The following USP38 variants were observed in gnomAD, a reference collection of about 807,000 sequenced individuals.
USP38 encodes ubiquitin carboxyl-terminal hydrolase 38.
Under a neutral mutation model 94.3 loss-of-function variants are expected in USP38, and 49 were observed. That is an observed-to-expected ratio of 0.52 (90% CI 0.41 to 0.66). The LOEUF (loss-of-function observed/expected upper bound fraction) is 0.66, where lower values mean the gene tolerates loss of function less well. USP38 is among the 30% of genes least tolerant of loss of function. The pLI is 0.00. For missense variants in USP38, 1,128 were observed against 1,229.4 expected, an observed-to-expected ratio of 0.92 and a Z score of 1.23; for synonymous variants, 468 against 463.6, an observed-to-expected ratio of 1.01 and a Z score of -0.12.
At chr4:143,208,508 CT>C (rs1272603633) in intron 6 of USP38, among the ~76,000 whole-genome samples, 1 of 152,018 alleles carries the variant, frequency 6.6e-6, no homozygotes, top group Non-Finnish European at 1.5e-5. Context: ...ACAAATCAGC[CT>C]TTTTAATTTT....
chr4:143,192,472 C>T lies in USP38; in HGVS notation c.819-3244C>T, dbSNP rs946549605. Among the ~76,000 whole-genome samples the T allele has an allele frequency of 4.7e-5, 7 of 150,310 alleles. No homozygotes were observed. The South Asian group carries it at 1.3e-3, about 27-fold the overall frequency. ...AGCCACTGTGCCCGGCCTTCAGTTGCTTTCTGAAAGAGTTGTACCAATCTT... is the reference window on the plus strand; with the variant it reads ...AGCCACTGTGCCCGGCCTTCAGTTGTTTTCTGAAAGAGTTGTACCAATCTT... On this transcript the variant is annotated intron_variant, in intron 2 of 9. Coordinates refer to ENST00000307017, the MANE Select transcript of USP38 (RefSeq NM_032557.6).
At chr4:143,197,740 A>G (rs1284936615) in intron 3 of USP38, 83 bp from the exon 4 acceptor site, 6 of 924,444 alleles carry the variant, frequency 6.5e-6, no homozygotes, top group African/African-American at 1.7e-5. Flanking sequence ...ATATAAATAA[A>G]TTCTAGCTCT....
chr4:143,189,953 T>C (rs941194572), intron 2 of USP38, among the ~76,000 whole-genome samples: 1 of 152,088 alleles, frequency 6.6e-6, no homozygotes, highest in Non-Finnish European at 1.5e-5. Flanking sequence ...ATTATTATCA[T>C]CACTTTATCA....
At chr4:143,190,585 C>G (rs1257898770) in intron 2 of USP38, among the ~76,000 whole-genome samples, 1 of 152,030 alleles carries the variant, frequency 6.6e-6, no homozygotes, top group Non-Finnish European at 1.5e-5. Flanking sequence ...GACAATAATT[C>G]TAGATATCTG....
intron 9 of USP38, among the ~76,000 whole-genome samples, chr4:143,218,021 G>A (rs1275248617): frequency 3.3e-5 from 5 of 152,114 alleles, no homozygotes; most frequent in Non-Finnish European, 5.9e-5. Context: ...GTGAGAGATT[G>A]TGTAATGCAT....
intron 8 of USP38, among the ~76,000 whole-genome samples, 179 bp from the exon 9 acceptor site, chr4:143,213,402 C>T (rs1184831584): frequency 6.6e-6 from 1 of 152,022 alleles, no homozygotes; most frequent in Non-Finnish European, 1.5e-5. Flanking sequence ...GTAATAGCCA[C>T]CCAGCTTTTT....
rs1264006995 is a variant in USP38, at chr4:143,186,097, C to T, written c.647C>T (p.Ser216Phe). The T allele has an allele frequency of 6.2e-7, 1 of 1,614,012 alleles. No individual in the cohort carries two copies. The highest frequency in any genetic ancestry group is 2.2e-5 in the East Asian group (1 of 44,880). Reference sequence around the variant, plus strand: ...GCCGAGCCTGCCACACTACTGCCTTCCCTGCAAGAAGTTTTTGCAAGCATC... The same window carrying T: ...GCCGAGCCTGCCACACTACTGCCTTTCCTGCAAGAAGTTTTTGCAAGCATC... Reference protein sequence around the residue: ...WKAEPATLLPSLQEVFASISS... With the variant: ...WKAEPATLLPFLQEVFASISS... Residue 216 changes from serine (S) to phenylalanine (F), a missense_variant, in exon 1 of 10, where the codon TCC becomes TTC. By Grantham distance (155) the Ser-to-Phe change is radical (BLOSUM62 -2). Transcript: ENST00000307017.
In USP38 at chr4:143,214,576, G is replaced by C. The variant is rs780331912; in HGVS notation, c.2600G>C (p.Ser867Thr). The stretch of plus-strand genomic sequence containing the variant: ...TATTCTTATGCCAGGAATATCACAA[G>C]TACAGACTCTTCATATCAGATGTAC... ...HYYSYARNIT[S>T]TDSSYQMYHQ... Residue 867 changes from serine to threonine, a missense_variant, in exon 9 of 10, where the codon AGT becomes ACT. Coordinates refer to ENST00000307017, the MANE Select transcript of USP38 (RefSeq NM_032557.6). The C allele has an allele frequency of 6.2e-7, 1 of 1,613,576 alleles. No individual in the cohort carries two copies. The highest frequency in any genetic ancestry group is 8.5e-7 in the Non-Finnish European group (1 of 1,179,804).
At chr4:143,186,183 C>A in intron 1 of USP38, 51 bp downstream of exon 1, 1 of 1,537,006 alleles carries the variant, frequency 6.5e-7, no homozygotes, top group Non-Finnish European at 8.9e-7. Flanking sequence ...GTATATGTCT[C>A]TCTTGCACAC....
At chr4:143,212,673 G>A (rs1448515899) in intron 8 of USP38, among the ~76,000 whole-genome samples, 57 of 152,136 alleles carry the variant, frequency 3.7e-4, no homozygotes, top group Non-Finnish European at 8.2e-4. Flanking sequence ...ACACTTTCAG[G>A]AGTCTGTGAG....
At position 143,185,242 on chromosome 4, in the gene USP38, A is replaced by T; in HGVS notation, c.-209A>T. 1 of 585,340 alleles carries T rather than the reference A, an allele frequency of 1.7e-6. No homozygotes were observed. The highest frequency in any genetic ancestry group is 2.3e-5 in the South Asian group (1 of 43,636). 36.3% of individuals were successfully genotyped at this position (585,340 alleles called of 1,614,324 possible). A position where few individuals can be genotyped will look rare whatever the true frequency, so the allele number is the denominator to read the frequency against. ...AGGCCAGCCGCAGGTGTCGGTTCTT[A>T]GGCTCTCCAGGCTCGCTAGCTCCCG... On this transcript the variant is annotated 5_prime_UTR_variant, in exon 1 of 10. The change abolishes the stop of an existing upstream ORF in the 5' untranslated region. Transcript: ENST00000307017.
intron 5 of USP38, among the ~76,000 whole-genome samples, chr4:143,203,849 G>A (rs914281981): frequency 6.6e-6 from 1 of 151,990 alleles, no homozygotes; most frequent in Admixed American, 6.6e-5. Flanking sequence ...GAAATGCTAC[G>A]TTAAGTTAAT....
Position 143,222,280 on chromosome 4 carries a change from T to C in USP38, c.*1824T>C, listed in dbSNP as rs1423694637. 6.6e-6 allele frequency: 1 copy of C among 152,032 alleles called. No individual in the cohort carries two copies. The highest frequency in any genetic ancestry group is 1.5e-5 in the Non-Finnish European group (1 of 67,918). The allele number at this position is 152,032 out of a possible 1,614,324, so 9.4% of individuals were successfully genotyped here. ...GACTTTTTTAAATGATAAAATGAAT[T>C]CTAGTTAGAGTCTTTCCTTGGTATC... is the stretch of plus-strand genomic sequence containing the variant. On this transcript the variant is annotated 3_prime_UTR_variant, in exon 10 of 10. Coordinates refer to ENST00000307017, the MANE Select transcript of USP38 (RefSeq NM_032557.6).
At chr4:143,198,515 C>T (rs1283339053) in intron 4 of USP38, among the ~76,000 whole-genome samples, 1 of 152,156 alleles carries the variant, frequency 6.6e-6, no homozygotes, top group African/African-American at 2.4e-5. Flanking sequence ...TTACTTAATT[C>T]TTCCAAAGAC....
rs574008541 is a variant in USP38 at position 143,195,458 on chromosome 4, G to A, written c.819-258G>A. On this transcript the variant is annotated intron_variant, in intron 2 of 9. Transcript: ENST00000307017. Reference sequence around the variant, plus strand: ...ATATAGCATAAATTTTAAGTTTTGCGTTTATGCAAAATAATTTATCAGAAA... The same window carrying A: ...ATATAGCATAAATTTTAAGTTTTGCATTTATGCAAAATAATTTATCAGAAA... 4.6e-5 allele frequency among the ~76,000 whole-genome samples: 7 copies of A among 152,250 alleles called. 1 individual carries two copies. In the South Asian group the frequency reaches 6.2e-4, roughly 14 times the overall value.
chr4:143,210,187 C>T (rs754375019), intron 7 of USP38, among the ~76,000 whole-genome samples: 2 of 152,030 alleles, frequency 1.3e-5, no homozygotes, highest in East Asian at 1.9e-4. Flanking sequence ...CACATTAATC[C>T]GGGGTCATTA....
Position 143,214,434 on chromosome 4 carries a change from C to G in USP38, c.2458C>G (p.Leu820Val), listed in dbSNP as rs1286713663. 3 of 1,613,616 alleles carry G rather than the reference C, an allele frequency of 1.9e-6. No individual in the cohort carries two copies. The highest frequency in any genetic ancestry group is 1.1e-5 in the South Asian group (1 of 91,050). Reference sequence around the variant, plus strand: ...TGACTTCACTGATCTTAGTGAGAACCTTGCTAAAAAATTAAAGCCTTCAGG... The same window carrying G: ...TGACTTCACTGATCTTAGTGAGAACGTTGCTAAAAAATTAAAGCCTTCAGG... ...DVDFTDLSEN[L>V]AKKLKPSGTD... Residue 820 changes from leucine to valine, a missense_variant, in exon 9 of 10, where the codon CTT (leucine) becomes GTT (valine). Leu to Val is a conservative substitution (Grantham distance 32, BLOSUM62 1). Coordinates refer to ENST00000307017, the MANE Select transcript of USP38 (RefSeq NM_032557.6).
At position 143,184,983 on chromosome 4, in the gene USP38, G is replaced by C. The variant is rs1407276826; in HGVS notation, c.-468G>C. 2 of 156,510 alleles carry C rather than the reference G, an allele frequency of 1.3e-5. No individual in the cohort carries two copies. Among genetic ancestry groups the C allele is most frequent in the Non-Finnish European group, 2.8e-5 (2 of 71,220 alleles). 9.7% of individuals were successfully genotyped at this position (156,510 alleles called of 1,614,324 possible). ...TCCCCGGCTGATCCCAGCACTCTCC[G>C]TGACAGCGCCTCCTGACTCAGCCCA... On this transcript the variant is annotated 5_prime_UTR_variant, in exon 1 of 10. Coordinates refer to ENST00000307017, the MANE Select transcript of USP38 (RefSeq NM_032557.6).
rs750316766 is a variant in USP38, at chr4:143,197,846, T to C, written c.972T>C (p.Pro324=). The C allele has an allele frequency of 4.3e-6, 7 of 1,613,700 alleles. No homozygotes were observed. Among genetic ancestry groups the C allele is most frequent in the African/African-American group, 2.7e-5 (2 of 74,936 alleles). ...AGGTTTTTAATCGACTTTGGTTTCCTCTTGTGAGACCTGGTGCTCTTGCAG... is the reference window on the plus strand; with the variant it reads ...AGGTTTTTAATCGACTTTGGTTTCCCCTTGTGAGACCTGGTGCTCTTGCAG... ...IELVFNRLWF[P]LVRPGALAVL... Residue 324 remains proline (P), a synonymous_variant, in exon 4 of 10, where the codon CCT becomes CCC. Coordinates refer to ENST00000307017, the MANE Select transcript of USP38 (RefSeq NM_032557.6).
Sources: allele counts gnomAD v4.1 joint callset (sites outside exome capture counted in the v4.1 genomes callset), GRCh38; gene constraint gnomAD v4.1.1; transcripts MANE v1.5; gene names NCBI Gene and HGNC (gene_info 2026-07-23, HGNC 2026-07-21).